The following DNASE1 variants were observed in gnomAD, a reference collection of about 807,000 sequenced individuals.
DNASE1 encodes deoxyribonuclease-1.
A neutral mutation model predicts 33.9 loss-of-function variants in DNASE1; 40 were observed. The ratio of observed to expected loss-of-function variants is 1.18; its 90% CI spans 0.92 to 1.54. The LOEUF (loss-of-function observed/expected upper bound fraction) is 1.54. Ranked by LOEUF, DNASE1 falls within the 40% of genes most tolerant of loss-of-function variation. The pLI is 0.00. For missense variants in DNASE1, 518 were observed against 372.6 expected, an observed-to-expected ratio of 1.39 and a Z score of -3.21; for synonymous variants, 216 against 160.0, an observed-to-expected ratio of 1.35 and a Z score of -2.64.
At chr16:3,643,423 A>G (rs1395200254) in intron 1 of DNASE1, among the ~76,000 whole-genome samples, 1 of 152,358 alleles carries the variant, frequency 6.6e-6, no homozygotes, top group East Asian at 1.9e-4. Flanking sequence ...CCAGGCTCTC[A>G]TCTGGGACCA....
At chr16:3,662,090 G>C (rs577258362), downstream of DNASE1, 11 of 1,613,256 alleles carry the variant, frequency 6.8e-6, no homozygotes, top group Admixed American at 1.7e-5. Context: ...CCCATCTCCA[G>C]CACGGTGACC....
At chr16:3,663,303 C>A in exon 10 of DNASE1, 1 of 1,364,934 alleles carries the variant, frequency 7.3e-7, no homozygotes, top group Non-Finnish European at 1.0e-6. Flanking sequence ...CAAGGCTCTT[C>A]TCGGGGGTGG....
chr16:3,633,281 A>C (rs538012492), intron 1 of DNASE1, among the ~76,000 whole-genome samples: 2 of 151,876 alleles, frequency 1.3e-5, no homozygotes, highest in East Asian at 1.9e-4. Flanking sequence ...TTCCTCTCTT[A>C]GCATGCCAAT....
chr16:3,663,668 TG>T, exon 10 of DNASE1: 1 of 1,456,876 alleles, frequency 6.9e-7, no homozygotes, highest in Non-Finnish European at 9.3e-7. Flanking sequence ...CGGGCCACAC[TG>T]GGGAACACCG....
In DNASE1 at chr16:3,615,103, C is replaced by T. The variant is rs115542109; in HGVS notation, c.-1359+3097C>T. On this transcript the variant is annotated intron_variant and NMD_transcript_variant, in intron 1 of 11. Transcript: ENST00000570769. ...TAATTGGAAAGGCTGGGACACTACT[C>T]TTAGGCCTACTGAATAAATCTTTCA... Among the ~76,000 whole-genome samples, 330 of 152,036 alleles carry T rather than the reference C, an allele frequency of 2.2e-3. 2 individuals are homozygous for T. Among genetic ancestry groups the T allele is most frequent in the African/African-American group, 7.7e-3 (318 of 41,460 alleles).
intron 1 of DNASE1, among the ~76,000 whole-genome samples, chr16:3,648,592 G>A (rs1366842960): frequency 6.6e-6 from 1 of 152,072 alleles, no homozygotes; most frequent in Non-Finnish European, 1.5e-5. Context: ...CTGCACTCCA[G>A]CCTAGAAAGA....
chr16:3,638,735 C>T (rs1454030413), upstream of DNASE1, among the ~76,000 whole-genome samples: 2 of 152,194 alleles, frequency 1.3e-5, no homozygotes, highest in African/African-American at 4.8e-5. Context: ...TCTGTCTCCT[C>T]TTTGTTTTTC....
downstream of DNASE1, chr16:3,659,770 T>TAGAC (rs1260102364): frequency 6.7e-6 from 1 of 149,462 alleles, no homozygotes; most frequent in African/African-American, 2.5e-5. Flanking sequence ...GATAGATAGA[T>TAGAC]AGATAGATAG....
At chr16:3,645,610 A>C (rs182426917) in intron 1 of DNASE1, among the ~76,000 whole-genome samples, 1 of 152,194 alleles carries the variant, frequency 6.6e-6, no homozygotes, top group African/African-American at 2.4e-5. Flanking sequence ...CTGAGCCAAC[A>C]TGCCGTGGTT....
exon 10 of DNASE1, chr16:3,664,752 A>T (rs2050789080): frequency 2.7e-6 from 1 of 374,954 alleles, no homozygotes; most frequent in South Asian, 3.2e-5. Context: ...CCAACAGCAG[A>T]GCCCGGCCTG....
chr16:3,616,387 G>C (rs577194203), intron 1 of DNASE1, among the ~76,000 whole-genome samples: 1 of 152,326 alleles, frequency 6.6e-6, no homozygotes, highest in African/African-American at 2.4e-5. Flanking sequence ...TTGGGAGTCT[G>C]AGTCAGGCAG....
upstream of DNASE1, among the ~76,000 whole-genome samples, chr16:3,639,867 G>A (rs536051032): frequency 2.0e-5 from 3 of 152,322 alleles, no homozygotes; most frequent in South Asian, 6.2e-4. Context: ...TTCAAGACCA[G>A]CCTGGGCAAC....
downstream of DNASE1, chr16:3,662,287 C>T (rs2043126693): frequency 6.6e-6 from 6 of 908,924 alleles, no homozygotes; most frequent in Non-Finnish European, 8.1e-6. Context: ...CCATTACCCA[C>T]TAACTTGTGG....
At chr16:3,654,499 C>G, upstream of DNASE1, 1 of 398,708 alleles carries the variant, frequency 2.5e-6, no homozygotes, top group African/African-American at 2.1e-5. Context: ...CCTCTTTGTC[C>G]AAAGTGACCT....
At chr16:3,664,014 G>A (rs1596694732) in exon 10 of DNASE1, 1 of 413,100 alleles carries the variant, frequency 2.4e-6, no homozygotes, top group Non-Finnish European at 4.3e-6. Context: ...AGTGAGCCGA[G>A]ATCGCACCAC....
At chr16:3,641,573 C>A (rs189840368), upstream of DNASE1, among the ~76,000 whole-genome samples, 9 of 152,314 alleles carry the variant, frequency 5.9e-5, no homozygotes, top group Admixed American at 5.9e-4. Flanking sequence ...TTGTATGACT[C>A]CTTCCCTGTG....
intron 1 of DNASE1, among the ~76,000 whole-genome samples, chr16:3,628,618 CG>C (rs2041596220): frequency 6.6e-6 from 1 of 150,792 alleles, no homozygotes; most frequent in South Asian, 2.1e-4. Context: ...AGTGCAGTGG[CG>C]CAATCTCGGC....
At position 3,627,130 on chromosome 16, in the gene DNASE1, C is replaced by A. The variant is rs141625212; in HGVS notation, c.-1358-13585C>A. On this transcript the variant is annotated intron_variant and NMD_transcript_variant, in intron 1 of 11. Transcript: ENST00000570769. The stretch of plus-strand genomic sequence containing the variant: ...GCCTCAAGTGATCCTCCCATGTTGG[C>A]CAAGTGCTGAGACTACAGGCGTGAG... 4.0e-3 allele frequency among the ~76,000 whole-genome samples: 608 copies of A among 151,938 alleles called. 3 individuals carry two copies. Among genetic ancestry groups the A allele is most frequent in the African/African-American group, 0.014 (564 of 41,422 alleles).
chr16:3,651,634 C>T (rs1046614188), upstream of DNASE1: 5 of 152,292 alleles, frequency 3.3e-5, no homozygotes, highest in Admixed American at 6.5e-5. Context: ...TAGGGCGGCA[C>T]GTGTTCTGCT....
Sources: gnomAD v4.1 joint callset for allele counts (sites outside exome capture counted in the v4.1 genomes callset) on GRCh38, gnomAD v4.1.1 for gene constraint, MANE v1.5 for transcripts, NCBI Gene and HGNC (gene_info 2026-07-23, HGNC 2026-07-21) for gene names.